The following LARGE1 variants were observed in gnomAD, a reference collection of about 807,000 sequenced individuals.
The protein encoded by LARGE1 is xylosyl- and glucuronyltransferase LARGE1.
Under a neutral mutation model 87.6 loss-of-function variants are expected in LARGE1, and 43 were observed. The ratio of observed to expected loss-of-function variants is 0.49; its 90% confidence interval spans 0.38 to 0.63. The LOEUF is 0.63. Ranked by LOEUF, LARGE1 falls within the 30% of genes least tolerant of loss-of-function variation. The pLI, the probability that LARGE1 is intolerant of heterozygous loss-of-function variation, is 0.00. For missense variants in LARGE1, 802 were observed against 1,000.2 expected, an observed-to-expected ratio of 0.80 and a Z score of 2.67; for synonymous variants, 434 against 394.6, an observed-to-expected ratio of 1.10 and a Z score of -1.18.
intron 5 of LARGE1, among the ~76,000 whole-genome samples, chr22:33,589,490 TA>T (rs1555967059): frequency 6.7e-6 from 1 of 148,296 alleles, no homozygotes; most frequent in African/African-American, 2.5e-5. Context: ...ATTAATTAAT[TA>T]AAAATTAATA....
intron 1 of LARGE1, among the ~76,000 whole-genome samples, chr22:33,812,164 T>G (rs1189191716): frequency 2.0e-5 from 3 of 152,204 alleles, no homozygotes; most frequent in Admixed American, 1.3e-4. Context: ...TCATTTATTT[T>G]CCCACTCAAG....
chr22:33,603,572 G>A (rs990647085), intron 5 of LARGE1, among the ~76,000 whole-genome samples: 2 of 152,180 alleles, frequency 1.3e-5, no homozygotes, highest in African/African-American at 2.4e-5. Flanking sequence ...GAGTCCTGAA[G>A]TACGAACAGG....
chr22:33,128,357 C>T, the LARGE1 span, among the ~76,000 whole-genome samples: 1 of 152,192 alleles, frequency 6.6e-6, no homozygotes, highest in Admixed American at 6.5e-5. Flanking sequence ...AACCCAAATG[C>T]TCATCAGTGA....
chr22:33,418,432 C>T (rs1416460938), intron 7 of LARGE1, among the ~76,000 whole-genome samples: 1 of 152,200 alleles, frequency 6.6e-6, no homozygotes, highest in African/African-American at 2.4e-5. Flanking sequence ...ATTCTGCCTA[C>T]TGTGATGGAC....
chr22:33,722,942 A>T (rs1448235647), intron 2 of LARGE1, among the ~76,000 whole-genome samples: 1 of 152,074 alleles, frequency 6.6e-6, no homozygotes, highest in East Asian at 1.9e-4. Flanking sequence ...TTGTAAAGGG[A>T]AATTAGAGCA....
chr22:33,162,561 TTTAC>T (rs1371969369), exon 12 of LARGE1: 1 of 152,210 alleles, frequency 6.6e-6, no homozygotes, highest in East Asian at 1.9e-4. Context: ...TTTCTTTCTC[TTTAC>T]TTAAAGTATC....
chr22:33,313,306 G>A (rs1935805977), intron 11 of LARGE1, among the ~76,000 whole-genome samples: 1 of 151,958 alleles, frequency 6.6e-6, no homozygotes, highest in South Asian at 2.1e-4. Flanking sequence ...ACTCAACTCA[G>A]GTACTACCTC....
intron 6 of LARGE1, among the ~76,000 whole-genome samples, chr22:33,552,449 C>T (rs758609281): frequency 1.3e-4 from 18 of 142,496 alleles, no homozygotes; most frequent in Non-Finnish European, 2.3e-4. Flanking sequence ...GACACAAGCA[C>T]GATATTTATT....
chr22:33,211,854 T>G (rs1053014714), intron 11 of LARGE1, among the ~76,000 whole-genome samples: 2 of 152,150 alleles, frequency 1.3e-5, no homozygotes, highest in Non-Finnish European at 2.9e-5. Context: ...ATTGAGAAAG[T>G]CTGAGTGATC....
At chr22:33,533,954 T>A (rs2076969146) in intron 6 of LARGE1, among the ~76,000 whole-genome samples, 1 of 152,156 alleles carries the variant, frequency 6.6e-6, no homozygotes, top group African/African-American at 2.4e-5. Flanking sequence ...TTTCTTTATT[T>A]TTTTTTTCAT....
At chr22:33,483,966 G>A (rs184697433) in intron 6 of LARGE1, among the ~76,000 whole-genome samples, 2 of 152,112 alleles carry the variant, frequency 1.3e-5, no homozygotes, top group Admixed American at 6.5e-5. Flanking sequence ...CTTGACGGCC[G>A]GAAGTTTAGA....
the LARGE1 span, among the ~76,000 whole-genome samples, chr22:33,113,835 C>A: frequency 1.3e-5 from 2 of 151,898 alleles, no homozygotes; most frequent in African/African-American, 4.8e-5. Flanking sequence ...GCCATATAGC[C>A]GTGTGCCTCA....
At chr22:33,574,198 G>A (rs1302037295) in intron 5 of LARGE1, among the ~76,000 whole-genome samples, 1 of 152,088 alleles carries the variant, frequency 6.6e-6, no homozygotes, top group Non-Finnish European at 1.5e-5. Flanking sequence ...TCCAAGTACA[G>A]CCATCCTTGG....
intron 5 of LARGE1, among the ~76,000 whole-genome samples, chr22:33,592,195 T>C (rs982891780): frequency 2.6e-5 from 4 of 151,900 alleles, no homozygotes; most frequent in African/African-American, 9.7e-5. Context: ...GTTCTACAGA[T>C]TTAGCTCCCA....
intron 1 of LARGE1, among the ~76,000 whole-genome samples, chr22:33,837,415 ATTAC>A (rs2063143343): frequency 6.6e-6 from 1 of 152,132 alleles, no homozygotes; most frequent in Admixed American, 6.5e-5. Flanking sequence ...CCCCTGCAAC[ATTAC>A]GAATTTTTTA....
At chr22:33,440,817 C>T (rs1042730072) in intron 6 of LARGE1, among the ~76,000 whole-genome samples, 2 of 152,116 alleles carry the variant, frequency 1.3e-5, no homozygotes, top group East Asian at 1.9e-4. Flanking sequence ...TGTTTCACAG[C>T]TCCTACTTTG....
chr22:33,516,944 G>C (rs73168507), intron 6 of LARGE1, among the ~76,000 whole-genome samples: 6,827 of 152,132 alleles, frequency 0.045, 175 homozygotes, highest in Middle Eastern at 0.058. Flanking sequence ...AGTACTCAAG[G>C]GAACACATCA....
At chr22:33,102,274 T>G in the LARGE1 span, among the ~76,000 whole-genome samples, 1 of 151,964 alleles carries the variant, frequency 6.6e-6, no homozygotes, top group Non-Finnish European at 1.5e-5. Context: ...GTTCAAGCGA[T>G]TCTCCTGCCT....
chr22:33,405,097 TTC>T (rs1221092950), intron 7 of LARGE1, among the ~76,000 whole-genome samples: 2 of 152,222 alleles, frequency 1.3e-5, no homozygotes, highest in East Asian at 3.8e-4. Flanking sequence ...TTGTCTTTGT[TTC>T]TTTCTTTCTT....
Sources: allele counts gnomAD v4.1 joint callset (sites outside exome capture counted in the v4.1 genomes callset), GRCh38; gene constraint gnomAD v4.1.1; transcripts MANE v1.5; gene names NCBI Gene and HGNC (gene_info 2026-07-23, HGNC 2026-07-21).